The following SLC17A1 variants were observed in gnomAD, a reference collection of about 807,000 sequenced individuals.
The protein encoded by SLC17A1 is sodium-dependent phosphate transport protein 1.
SLC17A1 carries 51 observed loss-of-function variants against 53.5 expected under a neutral mutation model. The ratio of observed to expected loss-of-function variants is 0.95; its 90% confidence interval spans 0.76 to 1.20. The LOEUF is 1.20. SLC17A1 is among the 50% of genes most tolerant of loss of function. The pLI is 0.00. For synonymous variants in SLC17A1, 179 were observed against 198.8 expected, an observed-to-expected ratio of 0.90 and a Z score of 0.84; for missense variants, 538 against 568.2, an observed-to-expected ratio of 0.95 and a Z score of 0.54.
At chr6:25,770,101 G>A in the SLC17A1 span, 2 of 1,613,922 alleles carry the variant, frequency 1.2e-6, no homozygotes, top group Admixed American at 1.7e-5. Context: ...GAAATCCAGG[G>A]AATCATCCTC....
At chr6:25,771,855 G>T in the SLC17A1 span, among the ~76,000 whole-genome samples, 4 of 152,160 alleles carry the variant, frequency 2.6e-5, no homozygotes, top group African/African-American at 4.8e-5. Context: ...CTGCAGAAAG[G>T]TTCCAAAGAC....
chr6:25,725,587 C>T, the SLC17A1 span, among the ~76,000 whole-genome samples: 2 of 152,122 alleles, frequency 1.3e-5, no homozygotes, highest in African/African-American at 4.8e-5. Flanking sequence ...TAACCCTTAA[C>T]ATAACTAACA....
the SLC17A1 span, among the ~76,000 whole-genome samples, chr6:25,761,082 T>G: frequency 6.6e-6 from 1 of 152,208 alleles, no homozygotes; most frequent in Non-Finnish European, 1.5e-5. Flanking sequence ...CTGGGCTTGA[T>G]TCTTTGGTCA....
At chr6:25,770,550 T>G in the SLC17A1 span, 13 of 1,263,238 alleles carry the variant, frequency 1.0e-5, no homozygotes, top group Non-Finnish European at 1.5e-5. Context: ...AACCAAGATC[T>G]TATATATCAA....
chr6:25,745,203 A>T, the SLC17A1 span, among the ~76,000 whole-genome samples: 1 of 152,200 alleles, frequency 6.6e-6, no homozygotes, highest in Non-Finnish European at 1.5e-5. Flanking sequence ...CTGAAGTTAT[A>T]GGTCTAAACT....
chr6:25,776,003 G>C, the SLC17A1 span, among the ~76,000 whole-genome samples: 1 of 152,078 alleles, frequency 6.6e-6, no homozygotes, highest in Non-Finnish European at 1.5e-5. Flanking sequence ...GCAACCCTCT[G>C]TGGAGTAAAT....
chr6:25,767,195 T>C, the SLC17A1 span, among the ~76,000 whole-genome samples: 2 of 152,084 alleles, frequency 1.3e-5, no homozygotes, highest in South Asian at 4.1e-4. Context: ...ACAAAGCTAG[T>C]ATAGCAAAAA....
chr6:25,792,170 C>G (rs1763515918), intron 12 of SLC17A1, among the ~76,000 whole-genome samples: 2 of 152,154 alleles, frequency 1.3e-5, no homozygotes, highest in African/African-American at 4.8e-5. Flanking sequence ...CAGCATTCAC[C>G]TGAACCAACC....
intron 12 of SLC17A1, among the ~76,000 whole-genome samples, chr6:25,783,435 CA>C (rs1284443453): frequency 6.6e-6 from 1 of 152,108 alleles, no homozygotes; most frequent in African/African-American, 2.4e-5. Context: ...GCTGTCTGTG[CA>C]AGTTTATTAT....
At chr6:25,780,001 T>A (rs906339387), downstream of SLC17A1, 1 of 152,206 alleles carries the variant, frequency 6.6e-6, no homozygotes, top group Admixed American at 6.5e-5. Context: ...CCACGCACCA[T>A]TCAGTAGGAT....
chr6:25,821,532 C>A (rs939990439), intron 3 of SLC17A1, among the ~76,000 whole-genome samples: 2 of 152,168 alleles, frequency 1.3e-5, no homozygotes, highest in African/African-American at 4.8e-5. Context: ...CCAAGGAAGT[C>A]AATATTCACC....
At chr6:25,776,192 A>T in the SLC17A1 span, among the ~76,000 whole-genome samples, 8 of 152,188 alleles carry the variant, frequency 5.3e-5, no homozygotes, top group Non-Finnish European at 1.2e-4. Context: ...ATGAAAAATA[A>T]TATCTCACCA....
chr6:25,761,084 C>A, the SLC17A1 span, among the ~76,000 whole-genome samples: 1 of 152,056 alleles, frequency 6.6e-6, no homozygotes, highest in East Asian at 1.9e-4. Context: ...GGGCTTGATT[C>A]TTTGGTCAGT....
intron 10 of SLC17A1, among the ~76,000 whole-genome samples, chr6:25,805,630 C>CA (rs1763926302): frequency 1.3e-5 from 2 of 151,086 alleles, no homozygotes; most frequent in South Asian, 2.1e-4. Flanking sequence ...CTAGATTAAC[C>CA]AAAAAAAGAG....
chr6:25,782,460 G>A (rs1035724006), downstream of SLC17A1, among the ~76,000 whole-genome samples: 14 of 152,088 alleles, frequency 9.2e-5, no homozygotes, highest in South Asian at 2.1e-4. Context: ...CTATTGAATC[G>A]CAGTATGAAT....
chr6:25,753,511 TA>T, the SLC17A1 span, among the ~76,000 whole-genome samples: 1 of 152,106 alleles, frequency 6.6e-6, no homozygotes, highest in Non-Finnish European at 1.5e-5. Flanking sequence ...GCCCGGTAAA[TA>T]ATCATTTTAT....
chr6:25,731,697 A>C, the SLC17A1 span: 8 of 921,234 alleles, frequency 8.7e-6, no homozygotes, highest in South Asian at 1.8e-5. Context: ...TAATAAAATA[A>C]ACATTCTACA....
At chr6:25,812,097 T>A (rs547161035) in intron 8 of SLC17A1, among the ~76,000 whole-genome samples, 24 of 152,194 alleles carry the variant, frequency 1.6e-4, no homozygotes, top group African/African-American at 5.5e-4. Context: ...AAGATGACAA[T>A]TACAGACATG....
chr6:25,769,432 C>T, the SLC17A1 span, among the ~76,000 whole-genome samples: 1 of 151,996 alleles, frequency 6.6e-6, no homozygotes, highest in African/African-American at 2.4e-5. Flanking sequence ...GTCATAGGCA[C>T]CTGTAATCCC....
Sources: gnomAD v4.1 joint callset for allele counts (sites outside exome capture counted in the v4.1 genomes callset) on GRCh38, gnomAD v4.1.1 for gene constraint, MANE v1.5 for transcripts, NCBI Gene and HGNC (gene_info 2026-07-23, HGNC 2026-07-21) for gene names.